SLC22A3: variants seen among roughly 807,000 people sequenced by gnomAD.
The protein encoded by SLC22A3 is EMT organic cation transporter 3.
A neutral mutation model predicts 59.1 loss-of-function variants in SLC22A3; 51 were observed. The ratio of observed to expected loss-of-function variants is 0.86; its 90% CI spans 0.69 to 1.09. The LOEUF is 1.09. Among genes scored for constraint, SLC22A3 ranks in the 50% least tolerant of loss-of-function variants. The pLI, the probability that SLC22A3 is intolerant of heterozygous loss-of-function variation, is 0.00. For missense variants in SLC22A3, 711 were observed against 726.3 expected (o/e 0.98, Z 0.24); for synonymous variants, 325 against 292.0 (o/e 1.11, Z -1.15).
intron 2 of SLC22A3, among the ~76,000 whole-genome samples, chr6:160,400,037 T>A (rs2114837522): frequency 6.6e-6 from 1 of 150,696 alleles, no homozygotes; most frequent in South Asian, 2.1e-4. Context: ...CCTGAAGGAT[T>A]AAAAACTCTA....
intron 5 of SLC22A3, among the ~76,000 whole-genome samples, chr6:160,417,565 A>G (rs559337524): frequency 5.6e-4 from 86 of 152,312 alleles, no homozygotes; most frequent in Non-Finnish European, 8.1e-4. Context: ...ATTGTGGTAG[A>G]TTAAATTACT....
In SLC22A3 at chr6:160,375,984, A is replaced by G. The variant is rs370851648; in HGVS notation, c.430-21995A>G. Among the ~76,000 whole-genome samples, 18 of 152,244 alleles carry G rather than the reference A, an allele frequency of 1.2e-4. No individual in the cohort carries two copies. The South Asian group carries it at 3.7e-3, about 32-fold the overall frequency. ...ATAATAATCATGTCTACCTCACAGT[A>G]TTGTTGGGAGGACTTAATGAGATGT... is the stretch of plus-strand genomic sequence containing the variant. On this transcript the variant is annotated intron_variant, in intron 1 of 10. Transcript: ENST00000275300.
At chr6:160,373,883 G>A (rs935995185) in intron 1 of SLC22A3, among the ~76,000 whole-genome samples, 12 of 152,184 alleles carry the variant, frequency 7.9e-5, no homozygotes, top group Non-Finnish European at 1.2e-4. Context: ...GTCCCAGGTC[G>A]ATTTCAGACT....
At chr6:160,411,016 CT>C (rs1787229067) in intron 5 of SLC22A3, among the ~76,000 whole-genome samples, 170 bp downstream of exon 5, 1 of 151,538 alleles carries the variant, frequency 6.6e-6, no homozygotes, top group South Asian at 2.1e-4. Flanking sequence ...TACCAAACAT[CT>C]GGGAAATCAT....
chr6:160,401,661 A>G (rs1786787468), intron 2 of SLC22A3, among the ~76,000 whole-genome samples: 1 of 151,954 alleles, frequency 6.6e-6, no homozygotes, highest in Non-Finnish European at 1.5e-5. Flanking sequence ...AACAGATAAT[A>G]GTTTATTCAA....
chr6:160,396,132 C>T (rs1206214684), intron 1 of SLC22A3, among the ~76,000 whole-genome samples: 3 of 152,182 alleles, frequency 2.0e-5, no homozygotes, highest in Non-Finnish European at 2.9e-5. Flanking sequence ...CAGGTTCCTA[C>T]CCAAAATTGT....
At chr6:160,436,395 CTA>C (rs1380101001) in intron 5 of SLC22A3, among the ~76,000 whole-genome samples, 1 of 152,166 alleles carries the variant, frequency 6.6e-6, no homozygotes, top group East Asian at 1.9e-4. Context: ...TAACATTACT[CTA>C]TTTTGTTTGT....
intron 1 of SLC22A3, among the ~76,000 whole-genome samples, chr6:160,394,990 C>T (rs921725880): frequency 3.3e-5 from 5 of 152,226 alleles, no homozygotes; most frequent in African/African-American, 1.2e-4. Flanking sequence ...GTACAACCTA[C>T]ACAGAACCCT....
At chr6:160,393,905 T>G (rs1786365005) in intron 1 of SLC22A3, among the ~76,000 whole-genome samples, 1 of 152,246 alleles carries the variant, frequency 6.6e-6, no homozygotes, top group African/African-American at 2.4e-5. Flanking sequence ...TGGAAACCCT[T>G]CAAAAGTTTC....
intron 5 of SLC22A3, among the ~76,000 whole-genome samples, chr6:160,427,202 T>C (rs984381124): frequency 6.6e-6 from 1 of 152,116 alleles, no homozygotes; most frequent in Non-Finnish European, 1.5e-5. Flanking sequence ...GAGACCCCAC[T>C]GCCGACTTGC....
chr6:160,403,421 A>AGGAAGC (rs1268516039), intron 2 of SLC22A3, among the ~76,000 whole-genome samples: 1 of 151,940 alleles, frequency 6.6e-6, no homozygotes, highest in African/African-American at 2.4e-5. Flanking sequence ...TTTTCAAAAC[A>AGGAAGC]GGAAGCACCA....
chr6:160,425,146 C>A (rs143799332), intron 5 of SLC22A3, among the ~76,000 whole-genome samples: 1 of 152,166 alleles, frequency 6.6e-6, no homozygotes, highest in Non-Finnish European at 1.5e-5. Flanking sequence ...CAACTTGGTA[C>A]ATTTTGTTGT....
At chr6:160,404,115 G>C (rs1285562581) in intron 2 of SLC22A3, among the ~76,000 whole-genome samples, 2 of 151,770 alleles carry the variant, frequency 1.3e-5, no homozygotes, top group Non-Finnish European at 2.9e-5. Flanking sequence ...ATACTGATTG[G>C]AAAGGAAGAA....
chr6:160,378,088 A>C (rs1785663426), intron 1 of SLC22A3, among the ~76,000 whole-genome samples: 1 of 152,206 alleles, frequency 6.6e-6, no homozygotes, highest in Admixed American at 6.5e-5. Context: ...CCAGCCTTCA[A>C]GATTGTTTGA....
chr6:160,403,655 C>A (rs149662547), intron 2 of SLC22A3, among the ~76,000 whole-genome samples: 264 of 149,248 alleles, frequency 1.8e-3, no homozygotes, highest in African/African-American at 6.5e-3. Flanking sequence ...CAAAAATTTG[C>A]AAGTAGAATC....
intron 7 of SLC22A3, among the ~76,000 whole-genome samples, chr6:160,441,733 A>G (rs1562503360): frequency 6.6e-6 from 1 of 152,072 alleles, no homozygotes; most frequent in East Asian, 1.9e-4. Context: ...GGAAGGTTCA[A>G]TAATTCCCCT....
intron 1 of SLC22A3, among the ~76,000 whole-genome samples, chr6:160,359,710 A>C (rs1212071442): frequency 6.6e-6 from 1 of 152,240 alleles, no homozygotes; most frequent in Admixed American, 6.5e-5. Flanking sequence ...AGGAGATAAA[A>C]ACAACAGAAA....
intron 1 of SLC22A3, among the ~76,000 whole-genome samples, chr6:160,383,481 C>G (rs1019389078): frequency 6.6e-6 from 1 of 152,164 alleles, no homozygotes; most frequent in Non-Finnish European, 1.5e-5. Flanking sequence ...CTTTATTTCC[C>G]TCAATGAAAA....
intron 5 of SLC22A3, among the ~76,000 whole-genome samples, chr6:160,424,934 T>C (rs754691766): frequency 1.3e-5 from 2 of 152,254 alleles, no homozygotes; most frequent in African/African-American, 2.4e-5. Context: ...CACACTTCTC[T>C]TTGAGATCTG....
Sources: allele counts gnomAD v4.1 joint callset (sites outside exome capture counted in the v4.1 genomes callset), GRCh38; gene constraint gnomAD v4.1.1; transcripts MANE v1.5; gene names NCBI Gene and HGNC (gene_info 2026-07-23, HGNC 2026-07-21).